ANO3: variants seen among roughly 807,000 people sequenced by gnomAD.
ANO3 encodes anoctamin 3, also known as anoctamin-3.
ANO3 carries 99 observed loss-of-function variants against 144.8 expected under a neutral mutation model. The observed-to-expected ratio is 0.68, with a 90% CI of 0.58 to 0.81. The LOEUF is 0.81. ANO3 is among the 30% of genes least tolerant of loss of function. The probability of loss-of-function intolerance (pLI) is 0.00; values close to 1 mark genes in which losing one functional copy is unlikely to be tolerated. For missense variants in ANO3, 905 were observed against 1,202.2 expected (o/e 0.75, Z 3.66); for synonymous variants, 414 against 392.6 (o/e 1.05, Z -0.64).
chr11:26,508,498 A>G, intron 5 of ANO3: 1 of 408,008 alleles, frequency 2.5e-6, no homozygotes. Flanking sequence ...TTGCAATTTT[A>G]AAAACTGAAT....
rs117405691 is a variant in ANO3 at position 26,568,615 on chromosome 11, T to C, written c.1447+8836T>C. Among the ~76,000 whole-genome samples the C allele has an allele frequency of 6.1e-3, 927 of 152,166 alleles. 1 individual carries two copies. The highest frequency in any genetic ancestry group is 0.01 in the Middle Eastern group (3 of 294). On this transcript the variant is annotated intron_variant, in intron 14 of 26. Coordinates refer to ENST00000256737, the MANE Select transcript of ANO3 (RefSeq NM_031418.4). ...TACACTAAATATGCTTTTGCTGTAA[T>C]TTAAGAAAATCACGATAACTGTCTA...
At chr11:26,477,194 G>A (rs945546360) in intron 4 of ANO3, among the ~76,000 whole-genome samples, 4 of 151,938 alleles carry the variant, frequency 2.6e-5, no homozygotes, top group East Asian at 1.9e-4. Context: ...GGTTTCCATC[G>A]TCAAAAAGTT....
intron 1 of ANO3, among the ~76,000 whole-genome samples, chr11:26,277,828 A>C (rs1853590620): frequency 1.3e-5 from 2 of 152,072 alleles, no homozygotes; most frequent in Non-Finnish European, 2.9e-5. Flanking sequence ...AGTTTTGGAC[A>C]ATCTTCTTAA....
intron 1 of ANO3, among the ~76,000 whole-genome samples, chr11:26,380,645 T>C (rs529414259): frequency 1.1e-4 from 16 of 152,206 alleles, no homozygotes; most frequent in Non-Finnish European, 1.3e-4. Context: ...TGGGATTAGG[T>C]TTTAACATAT....
intron 1 of ANO3, among the ~76,000 whole-genome samples, chr11:26,291,502 C>T (rs549632806): frequency 6.6e-6 from 1 of 152,210 alleles, no homozygotes; most frequent in South Asian, 2.1e-4. Flanking sequence ...TCTTCCTAGC[C>T]TCGATGGTCT....
chr11:26,307,414 T>C (rs570646545), upstream of ANO3, among the ~76,000 whole-genome samples: 2 of 145,786 alleles, frequency 1.4e-5, no homozygotes, highest in Non-Finnish European at 3.0e-5. Context: ...AATAATTTAA[T>C]GAGGGGCTGG....
upstream of ANO3, among the ~76,000 whole-genome samples, chr11:26,308,783 A>T (rs1854441354): frequency 6.6e-6 from 1 of 152,238 alleles, no homozygotes; most frequent in Admixed American, 6.5e-5. Context: ...TACTATAATT[A>T]TGGGCAGAAA....
At chr11:26,596,497 T>G (rs2132916432) in intron 14 of ANO3, among the ~76,000 whole-genome samples, 1 of 152,324 alleles carries the variant, frequency 6.6e-6, no homozygotes, top group Non-Finnish European at 1.5e-5. Flanking sequence ...CCCACATAAC[T>G]GCCCATGTCG....
At chr11:26,466,398 G>A (rs1859603451) in intron 4 of ANO3, among the ~76,000 whole-genome samples, 1 of 151,946 alleles carries the variant, frequency 6.6e-6, no homozygotes, top group Admixed American at 6.6e-5. Context: ...AGATTTTGCA[G>A]CTTTTCCCAT....
In ANO3 at chr11:26,555,344, T is replaced by C. The variant is rs150904038; in HGVS notation, c.1386+1999T>C. Among the ~76,000 whole-genome samples, 10 of 152,290 alleles carry C rather than the reference T, an allele frequency of 6.6e-5. No individual in the cohort carries two copies. In the East Asian group the frequency reaches 1.7e-3, roughly 26 times the overall value. On this transcript the variant is annotated intron_variant, in intron 13 of 26. Coordinates refer to ENST00000256737, the MANE Select transcript of ANO3 (RefSeq NM_031418.4). ...CCTAGGAATGCCAAAAAAATCCAGATACTTCTTCTTTCACTTGGACATATC... is the reference window on the plus strand; with the variant it reads ...CCTAGGAATGCCAAAAAAATCCAGACACTTCTTCTTTCACTTGGACATATC...
At chr11:26,340,183 A>G (rs1855319185) in intron 1 of ANO3, among the ~76,000 whole-genome samples, 1 of 152,228 alleles carries the variant, frequency 6.6e-6, no homozygotes, top group African/African-American at 2.4e-5. Context: ...AAAGTTGTGT[A>G]TTTTGTTGGT....
chr11:26,231,581 A>G (rs1852401258), intron 1 of ANO3, among the ~76,000 whole-genome samples: 1 of 152,216 alleles, frequency 6.6e-6, no homozygotes, highest in Non-Finnish European at 1.5e-5. Flanking sequence ...ATGTCAAAGT[A>G]AGCTGAGAGA....
chr11:26,612,946 G>T lies in ANO3; in HGVS notation c.1837-11516G>T, dbSNP rs916088674. Among the ~76,000 whole-genome samples, 31 of 152,198 alleles carry T rather than the reference G, an allele frequency of 2.0e-4. 4 individuals carry two copies. Among genetic ancestry groups the T allele is most frequent in the Admixed American group, 1.2e-3 (19 of 15,282 alleles). Reference sequence around the variant, plus strand: ...GGAATCTTCTCTTTGACTTTTGGCAGTTTGATTAACGAGTACTTTGAAGAG... The same window carrying T: ...GGAATCTTCTCTTTGACTTTTGGCATTTTGATTAACGAGTACTTTGAAGAG... On this transcript the variant is annotated intron_variant, in intron 17 of 26. Transcript: ENST00000256737.
chr11:26,601,804 T>C (rs1304663892), intron 17 of ANO3, among the ~76,000 whole-genome samples: 1 of 152,208 alleles, frequency 6.6e-6, no homozygotes, highest in Non-Finnish European at 1.5e-5. Context: ...ACTAAGTAGT[T>C]GTGTCGATTT....
chr11:26,349,176 C>A (rs1855571541), intron 1 of ANO3, among the ~76,000 whole-genome samples: 1 of 152,144 alleles, frequency 6.6e-6, no homozygotes, highest in Non-Finnish European at 1.5e-5. Flanking sequence ...AAAATAATTT[C>A]TTTTAATTTG....
intron 7 of ANO3, among the ~76,000 whole-genome samples, chr11:26,530,755 G>T (rs751927813): frequency 2.1e-4 from 32 of 152,102 alleles, no homozygotes; most frequent in Non-Finnish European, 3.8e-4. Flanking sequence ...TATACTCCCA[G>T]CTACTTGGGA....
At chr11:26,504,014 C>T (rs774824331) in intron 4 of ANO3, among the ~76,000 whole-genome samples, 7 of 152,180 alleles carry the variant, frequency 4.6e-5, no homozygotes, top group African/African-American at 7.2e-5. Flanking sequence ...CAGTTGATTC[C>T]GTTTACCGCA....
chr11:26,428,341 A>G (rs558367378), intron 1 of ANO3, among the ~76,000 whole-genome samples: 3 of 152,278 alleles, frequency 2.0e-5, no homozygotes, highest in East Asian at 3.9e-4. Flanking sequence ...AGATTGGTCA[A>G]CTCCGAAACA....
At chr11:26,434,171 T>G (rs1858214253) in intron 1 of ANO3, among the ~76,000 whole-genome samples, 1 of 152,170 alleles carries the variant, frequency 6.6e-6, no homozygotes, top group African/African-American at 2.4e-5. Flanking sequence ...GTGTCCCCTC[T>G]TATTCATCTC....
Sources: allele counts gnomAD v4.1 joint callset (sites outside exome capture counted in the v4.1 genomes callset), GRCh38; gene constraint gnomAD v4.1.1; transcripts MANE v1.5; gene names NCBI Gene and HGNC (gene_info 2026-07-23, HGNC 2026-07-21).